The following FYCO1 variants were observed in gnomAD, a reference collection of about 807,000 sequenced individuals.
FYCO1 encodes the protein FYVE and coiled-coil domain-containing protein 1.
A neutral mutation model predicts 165.1 loss-of-function variants in FYCO1; 122 were observed. That is an observed-to-expected ratio of 0.74 (90% CI 0.64 to 0.86). FYCO1 has a LOEUF of 0.86. FYCO1 is among the 40% of genes least tolerant of loss of function. The pLI is 0.00. For missense variants in FYCO1, 1,702 were observed against 1,810.3 expected, an observed-to-expected ratio of 0.94 and a Z score of 1.09; for synonymous variants, 648 against 742.5, an observed-to-expected ratio of 0.87 and a Z score of 2.07.
At chr3:45,954,099 C>T (rs1705179654) in intron 14 of FYCO1, among the ~76,000 whole-genome samples, 1 of 152,236 alleles carries the variant, frequency 6.6e-6, no homozygotes, top group African/African-American at 2.4e-5. Flanking sequence ...CTTCCTGGAA[C>T]ACCTTCCTCT....
chr3:45,988,958 G>A (rs1707444279), intron 1 of FYCO1, among the ~76,000 whole-genome samples: 1 of 152,172 alleles, frequency 6.6e-6, no homozygotes, highest in South Asian at 2.1e-4. Flanking sequence ...AAGATACAAA[G>A]ATGCTGACTG....
At chr3:45,990,281 C>A (rs1380652810) in intron 1 of FYCO1, among the ~76,000 whole-genome samples, 1 of 152,170 alleles carries the variant, frequency 6.6e-6, no homozygotes, top group East Asian at 1.9e-4. Flanking sequence ...CAAGCCTGAA[C>A]CAGGAGCCGG....
At position 45,931,168 on chromosome 3, in the gene FYCO1, C is replaced by A. The variant is rs767162193; in HGVS notation, c.4154G>T (p.Gly1385Val). 9.9e-6 allele frequency: 16 copies of A among 1,614,096 alleles called. No individual in the cohort carries two copies. In the South Asian group the frequency reaches 1.2e-4, roughly 12 times the overall value. ...SLIPITVAEAGLTISWVFSSD... is the reference protein window; with the variant it reads ...SLIPITVAEAVLTISWVFSSD... The stretch of plus-strand genomic sequence containing the variant: ...GGAGAAGACCCAGCTGATGGTGAGG[C>A]CTGCCTCGGCCACAGTGATGGGGAT... The change falls in exon 16 of 18, where the codon GGC (glycine) becomes GTC (valine). Residue 1385 changes from glycine to valine, a missense_variant. Gly to Val is a moderately radical substitution (Grantham distance 109, BLOSUM62 -3). Transcript: ENST00000296137.
chr3:45,994,218 CA>C (rs11328676), intron 1 of FYCO1, among the ~76,000 whole-genome samples: 91,857 of 136,886 alleles, frequency 0.67, 30,864 homozygotes, highest in East Asian at 0.94. Flanking sequence ...AAAGTAACTG[CA>C]AAAAAAAAAA....
chr3:45,965,354 G>C (rs770137257), intron 8 of FYCO1, among the ~76,000 whole-genome samples: 3 of 152,238 alleles, frequency 2.0e-5, no homozygotes, highest in South Asian at 2.1e-4. Context: ...AAGGGAAAAA[G>C]TTGGCTATAA....
intron 5 of FYCO1, among the ~76,000 whole-genome samples, chr3:45,974,716 C>G (rs1706638618): frequency 6.6e-6 from 1 of 152,232 alleles, no homozygotes. Context: ...CTCCTCCCTT[C>G]TCTCTTCCCT....
chr3:45,989,518 A>C (rs1317830193), intron 1 of FYCO1, among the ~76,000 whole-genome samples: 1 of 152,226 alleles, frequency 6.6e-6, no homozygotes, highest in Non-Finnish European at 1.5e-5. Context: ...GCCAGCTCAG[A>C]GGCAGGCATT....
chr3:45,988,524 AAGGACT>A (rs1707416495), intron 1 of FYCO1, among the ~76,000 whole-genome samples: 1 of 152,178 alleles, frequency 6.6e-6, no homozygotes, highest in Admixed American at 6.5e-5. Context: ...GCACCAGCGT[AAGGACT>A]CCAGGACTCA....
chr3:45,948,556 T>C (rs2125825741), intron 14 of FYCO1, among the ~76,000 whole-genome samples: 1 of 152,324 alleles, frequency 6.6e-6, no homozygotes, highest in Non-Finnish European at 1.5e-5. Context: ...GCACATTTGT[T>C]TAACTTCCAG....
At chr3:45,942,264 G>T (rs1704274366) in intron 14 of FYCO1, among the ~76,000 whole-genome samples, 1 of 152,210 alleles carries the variant, frequency 6.6e-6, no homozygotes, top group African/African-American at 2.4e-5. Flanking sequence ...TGGGCAAGTG[G>T]GCTAATCTCT....
Position 45,921,322 on chromosome 3 carries a change from G to A in FYCO1, c.*443C>T. The A allele has an allele frequency of 3.7e-6, 1 of 270,394 alleles. No homozygotes were observed. Among genetic ancestry groups the A allele is most frequent in the Non-Finnish European group, 7.2e-6 (1 of 138,404 alleles). The allele number at this position is 270,394 out of a possible 1,614,324, so 16.7% of individuals were successfully genotyped here. The stretch of plus-strand genomic sequence containing the variant: ...GGGCGTCACAGCCTGAGGATTCACA[G>A]GGCATGGCCAGTGCACCCAGCTCAG... On this transcript the variant is annotated 3_prime_UTR_variant, in exon 18 of 18. Transcript: ENST00000296137.
intron 1 of FYCO1, among the ~76,000 whole-genome samples, chr3:45,986,216 T>C (rs1294216180): frequency 6.6e-6 from 1 of 152,200 alleles, no homozygotes; most frequent in Non-Finnish European, 1.5e-5. Context: ...TAAGTCCTAC[T>C]GACTTTTTAA....
chr3:45,933,201 A>T (rs887992063), intron 15 of FYCO1, among the ~76,000 whole-genome samples: 6 of 152,218 alleles, frequency 3.9e-5, no homozygotes. Context: ...CACAGATGTG[A>T]ATTCCACTGA....
At chr3:45,926,477 C>T (rs1236979484) in intron 16 of FYCO1, among the ~76,000 whole-genome samples, 1 of 152,052 alleles carries the variant, frequency 6.6e-6, no homozygotes, top group Non-Finnish European at 1.5e-5. Flanking sequence ...CGTTTATGCC[C>T]CTAATGACAG....
intron 4 of FYCO1, among the ~76,000 whole-genome samples, chr3:45,979,304 G>A (rs1032683772): frequency 6.6e-6 from 1 of 152,180 alleles, no homozygotes; most frequent in East Asian, 1.9e-4. Context: ...TAAGTTTCCT[G>A]GGCAAAGTGT....
chr3:45,934,873 A>C (rs1383764513), intron 15 of FYCO1, among the ~76,000 whole-genome samples: 1 of 152,214 alleles, frequency 6.6e-6, no homozygotes, highest in Non-Finnish European at 1.5e-5. Flanking sequence ...TCCCAGACAC[A>C]GGCCCATTGC....
rs762179598 is a variant in FYCO1 at position 45,967,858 on chromosome 3, C to T, written c.1476G>A (p.Arg492=). The change falls in exon 8 of 18, where the codon CGG becomes CGA. Residue 492 remains arginine, a synonymous_variant. Transcript: ENST00000296137. ...TCTCCTCCTGTTGCTGTTTTTTCTC[C>T]CGCCTCAACTCTGCTAGCTCCTCCT... ...SWEEELAELR[R]EKKQQQEEKE... 3.7e-6 allele frequency: 6 copies of T among 1,614,100 alleles called. No individual in the cohort carries two copies. Among genetic ancestry groups the T allele is most frequent in the Non-Finnish European group, 5.1e-6 (6 of 1,180,006 alleles).
chr3:45,942,185 C>T (rs775320823), intron 14 of FYCO1, among the ~76,000 whole-genome samples: 40 of 152,374 alleles, frequency 2.6e-4, no homozygotes, highest in Non-Finnish European at 4.6e-4. Flanking sequence ...GCTCCATACT[C>T]AGAGCAGGGC....
At position 45,958,581 on chromosome 3, in the gene FYCO1, T is replaced by G. The variant is rs894036131; in HGVS notation, c.3626A>C (p.Asn1209Thr). The G allele has an allele frequency of 6.2e-7, 1 of 1,614,100 alleles. No individual in the cohort carries two copies. Among genetic ancestry groups the G allele is most frequent in the Admixed American group, 1.7e-5 (1 of 60,010 alleles). Residue 1209 changes from asparagine (N) to threonine (T), a missense_variant, in exon 13 of 18, where the codon AAC becomes ACC. Physicochemically the swap from Asn to Thr is moderately conservative, Grantham distance 65 (BLOSUM62 0). Transcript: ENST00000296137. The stretch of plus-strand genomic sequence containing the variant: ...GCCACCGTGCTTGCTCAGGACGTAG[T>G]TGTTGCAGCAGTAGTAACAGAAGAT... ...GRIFCYYCCN[N>T]YVLSKHGGKK...
Sources: allele counts gnomAD v4.1 joint callset (sites outside exome capture counted in the v4.1 genomes callset), GRCh38; gene constraint gnomAD v4.1.1; transcripts MANE v1.5; gene names NCBI Gene and HGNC (gene_info 2026-07-23, HGNC 2026-07-21).